Variants in CUL3 observed in about 807,000 individuals in gnomAD.
CUL3 encodes cullin-3.
In CUL3, 19 loss-of-function variants were observed where a neutral mutation model predicts 89.1. The ratio of observed to expected loss-of-function variants is 0.21; its 90% CI spans 0.15 to 0.31. The LOEUF is 0.31. CUL3 is among the 10% of genes least tolerant of loss of function. The pLI, the probability that CUL3 is intolerant of heterozygous loss-of-function variation, is 1.00. For missense variants in CUL3, 469 were observed against 942.3 expected (o/e 0.50, Z 6.58); for synonymous variants, 351 against 308.4 (o/e 1.14, Z -1.45).
intron 2 of CUL3, among the ~76,000 whole-genome samples, chr2:224,544,000 G>A (rs1052616454): frequency 1.3e-5 from 2 of 151,494 alleles, no homozygotes; most frequent in African/African-American, 4.9e-5. Context: ...AAAAAAAAAA[G>A]AAAAAAGTTT....
intron 10 of CUL3, among the ~76,000 whole-genome samples, chr2:224,500,689 G>C (rs1323927688): frequency 1.5e-4 from 22 of 147,020 alleles, no homozygotes; most frequent in African/African-American, 5.3e-4. Context: ...GCAATGGCAC[G>C]ATCTCGGCTC....
In CUL3 at chr2:224,506,846, G is replaced by C. The variant is rs2106205532; in HGVS notation, c.1029+12C>G. ...TTATCATAAACACAGAGAATCTTCT[G>C]GGTTTACTTACCTGGATATAGTCAA... On this transcript the variant is annotated intron_variant, in intron 7 of 15. Coordinates refer to ENST00000264414, the MANE Select transcript of CUL3 (RefSeq NM_003590.5). 2 of 1,609,900 alleles carry C rather than the reference G, an allele frequency of 1.2e-6. No homozygotes were observed. The highest frequency in any genetic ancestry group is 1.7e-6 in the Non-Finnish European group (2 of 1,178,450).
rs542253405 is a variant in CUL3 at position 224,520,235 on chromosome 2, T to A, written c.379-5463A>T. ...ATAAACCACATTTTAAATCTCTATT[T>A]ACAGTTCTCTCTCAAGGGTTGCTAT... On this transcript the variant is annotated intron_variant, in intron 3 of 15. Coordinates refer to ENST00000264414, the MANE Select transcript of CUL3 (RefSeq NM_003590.5). 2.9e-4 allele frequency among the ~76,000 whole-genome samples: 44 copies of A among 152,366 alleles called. 1 individual carries two copies. The highest frequency in any genetic ancestry group is 3.9e-4 in the Admixed American group (6 of 15,304).
chr2:224,470,649 T>C lies in CUL3; in HGVS notation c.*3596A>G, dbSNP rs764772276. The C allele has an allele frequency of 1.1e-4, 26 of 231,858 alleles. No homozygotes were observed. Among genetic ancestry groups the C allele is most frequent in the Admixed American group, 6.2e-4 (11 of 17,750 alleles). The allele number at this position is 231,858 out of a possible 1,614,324, so 14.4% of individuals were successfully genotyped here. ...GTATGTAAAACTTTCTCTAAGATTG[T>C]AGGAGACAAAGCGCCTATTTTCTTT... On this transcript the variant is annotated 3_prime_UTR_variant, in exon 16 of 16. Coordinates refer to ENST00000264414, the MANE Select transcript of CUL3 (RefSeq NM_003590.5).
At chr2:224,545,363 G>C (rs918207561) in intron 2 of CUL3, among the ~76,000 whole-genome samples, 6 of 151,870 alleles carry the variant, frequency 4.0e-5, no homozygotes, top group Non-Finnish European at 5.9e-5. Context: ...GCCACTGTAG[G>C]GAAAAAATTT....
Position 224,472,945 on chromosome 2 carries a change from C to T in CUL3, c.*1300G>A, listed in dbSNP as rs577158030. On this transcript the variant is annotated 3_prime_UTR_variant, in exon 16 of 16. Transcript: ENST00000264414. ...CCAACAGAAATCTATAGTGGTTTGC[C>T]CCATTACATATCTGAAACATTGTCT... 1 of 209,998 alleles carries T rather than the reference C, an allele frequency of 4.8e-6. No individual in the cohort carries two copies. Among genetic ancestry groups the T allele is most frequent in the East Asian group, 7.2e-5 (1 of 13,830 alleles). The allele number at this position is 209,998 out of a possible 1,614,324, so 13.0% of individuals were successfully genotyped here.
Position 224,530,048 on chromosome 2 carries a change from C to T in CUL3, c.378+5480G>A, listed in dbSNP as rs543848584. Among the ~76,000 whole-genome samples the T allele has an allele frequency of 5.3e-5, 8 of 152,130 alleles. No homozygotes were observed. The South Asian group carries it at 1.2e-3, about 24-fold the overall frequency. On this transcript the variant is annotated intron_variant, in intron 3 of 15. Transcript: ENST00000264414. ...GGTCAGGAGATCGAGACCATGATGG[C>T]TAACACAGTGAAACCCCGTCTCCAG...
intron 1 of CUL3, among the ~76,000 whole-genome samples, chr2:224,560,946 T>C (rs1196446575): frequency 1.3e-5 from 2 of 152,216 alleles, no homozygotes; most frequent in East Asian, 3.9e-4. Context: ...AACAAGCTGA[T>C]TTCAGTGTCT....
At chr2:224,480,712 T>G (rs1166782020) in intron 14 of CUL3, among the ~76,000 whole-genome samples, 1 of 152,202 alleles carries the variant, frequency 6.6e-6, no homozygotes, top group African/African-American at 2.4e-5. Flanking sequence ...TATTCCCACA[T>G]ATTTTCCTCT....
chr2:224,537,303 T>C (rs1172332724), intron 2 of CUL3, among the ~76,000 whole-genome samples: 2 of 152,192 alleles, frequency 1.3e-5, no homozygotes, highest in African/African-American at 2.4e-5. Context: ...ACGAGGTTAT[T>C]AGATTTAATG....
intron 13 of CUL3, among the ~76,000 whole-genome samples, chr2:224,484,883 C>T (rs770767511): frequency 2.6e-5 from 4 of 152,186 alleles, no homozygotes; most frequent in Admixed American, 6.5e-5. Context: ...CAGCTCCCAG[C>T]GAGACTAATG....
At chr2:224,572,532 C>G (rs1306686745) in intron 1 of CUL3, among the ~76,000 whole-genome samples, 1 of 150,586 alleles carries the variant, frequency 6.6e-6, no homozygotes, top group Non-Finnish European at 1.5e-5. Flanking sequence ...TCCCAGCTAC[C>G]CAGGAGGCTG....
At chr2:224,495,617 T>C (rs1168840293) in intron 13 of CUL3, 1 of 373,282 alleles carries the variant, frequency 2.7e-6, no homozygotes. Context: ...ATATAAGGTA[T>C]GTTTTATATA....
chr2:224,534,338 A>C (rs957613823), intron 3 of CUL3, among the ~76,000 whole-genome samples: 3 of 152,226 alleles, frequency 2.0e-5, no homozygotes, highest in African/African-American at 7.2e-5. Flanking sequence ...TGGAATATAC[A>C]TGTGAAGAAG....
intron 1 of CUL3, among the ~76,000 whole-genome samples, chr2:224,570,050 G>A (rs1025111479): frequency 2.4e-4 from 36 of 149,050 alleles, no homozygotes; most frequent in African/African-American, 3.7e-4. Flanking sequence ...AATTACATAA[G>A]GAAGCTCCCT....
intron 9 of CUL3, 59 bp downstream of exon 9, chr2:224,503,593 T>A: frequency 3.0e-6 from 4 of 1,341,974 alleles, no homozygotes; most frequent in Non-Finnish European, 3.0e-6. Flanking sequence ...ACGTTGTCAG[T>A]ACACAATCAT....
intron 1 of CUL3, among the ~76,000 whole-genome samples, chr2:224,569,283 G>A (rs1450280276): frequency 6.6e-6 from 1 of 152,076 alleles, no homozygotes; most frequent in Non-Finnish European, 1.5e-5. Context: ...ACACAAACAT[G>A]TAATATTTGC....
At chr2:224,479,243 T>C (rs1345262534) in intron 14 of CUL3, 1 of 152,174 alleles carries the variant, frequency 6.6e-6, no homozygotes, top group Non-Finnish European at 1.5e-5. Flanking sequence ...TTGTACAATT[T>C]AGAAGATCAT....
intron 6 of CUL3, among the ~76,000 whole-genome samples, chr2:224,511,105 C>A (rs1202039827): frequency 6.6e-6 from 1 of 152,142 alleles, no homozygotes; most frequent in African/African-American, 2.4e-5. Flanking sequence ...CACCTTTTAT[C>A]TTCTGGATTA....
Sources: allele counts gnomAD v4.1 joint callset (sites outside exome capture counted in the v4.1 genomes callset), GRCh38; gene constraint gnomAD v4.1.1; transcripts MANE v1.5; gene names NCBI Gene and HGNC (gene_info 2026-07-23, HGNC 2026-07-21).